NRXN1: variants seen among roughly 807,000 people sequenced by gnomAD.
NRXN1 encodes the protein neurexin 1, also known as neurexin-1.
NRXN1 carries 39 observed loss-of-function variants against 150.9 expected under a neutral mutation model. That is an observed-to-expected ratio of 0.26 (90% CI 0.20 to 0.34). The LOEUF (loss-of-function observed/expected upper bound fraction) is 0.34. NRXN1 is among the 10% of genes least tolerant of loss of function. The pLI is 1.00. For missense variants in NRXN1, 1,815 were observed against 1,949.9 expected, an observed-to-expected ratio of 0.93 and a Z score of 1.30; for synonymous variants, 924 against 757.0, an observed-to-expected ratio of 1.22 and a Z score of -3.62.
At chr2:50,787,079 G>T (rs147579106) in intron 5 of NRXN1, among the ~76,000 whole-genome samples, 1 of 152,168 alleles carries the variant, frequency 6.6e-6, no homozygotes, top group Non-Finnish European at 1.5e-5. Context: ...TAAGATGACA[G>T]GGAATTCTCA....
intron 5 of NRXN1, among the ~76,000 whole-genome samples, chr2:50,901,612 C>A (rs1234260353): frequency 1.4e-4 from 22 of 152,040 alleles, no homozygotes; most frequent in Admixed American, 1.4e-3. Flanking sequence ...CGTTCTGGTA[C>A]AAAGTTATAT....
chr2:50,095,693 G>T (rs1315713693), intron 18 of NRXN1, among the ~76,000 whole-genome samples: 6 of 151,184 alleles, frequency 4.0e-5, no homozygotes, highest in Non-Finnish European at 5.9e-5. Flanking sequence ...ATAGGATTTG[G>T]TTTTTTTGCA....
intron 5 of NRXN1, among the ~76,000 whole-genome samples, chr2:50,661,703 CTTCT>C (rs904553505): frequency 6.6e-6 from 1 of 152,024 alleles, no homozygotes; most frequent in Non-Finnish European, 1.5e-5. Flanking sequence ...TTTCCCCTTC[CTTCT>C]AAAATAACTT....
chr2:50,033,934 C>G (rs1689578749), intron 21 of NRXN1, among the ~76,000 whole-genome samples: 1 of 150,832 alleles, frequency 6.6e-6, no homozygotes, highest in African/African-American at 2.4e-5. Context: ...GAGATACCAT[C>G]TCACACCAGC....
intron 5 of NRXN1, among the ~76,000 whole-genome samples, chr2:50,654,270 C>A (rs1460831918): frequency 3.4e-5 from 4 of 117,784 alleles, no homozygotes; most frequent in African/African-American, 8.3e-5. Flanking sequence ...TGAGTGAGAA[C>A]ATGTGGTGTT....
chr2:50,164,720 C>T (rs2059568982), intron 18 of NRXN1, among the ~76,000 whole-genome samples: 1 of 152,198 alleles, frequency 6.6e-6, no homozygotes, highest in Admixed American at 6.5e-5. Context: ...CCCTAACACA[C>T]TTTCTAATCT....
intron 18 of NRXN1, among the ~76,000 whole-genome samples, chr2:50,161,918 A>G (rs2152787549): frequency 6.6e-6 from 1 of 152,280 alleles, no homozygotes; most frequent in Non-Finnish European, 1.5e-5. Context: ...TTTGCAAAAC[A>G]CTCTGCTAAT....
chr2:50,148,296 T>C (rs2058483623), intron 18 of NRXN1, among the ~76,000 whole-genome samples: 1 of 151,622 alleles, frequency 6.6e-6, no homozygotes, highest in African/African-American at 2.4e-5. Flanking sequence ...ACTTAACCTC[T>C]GTTTATGTCA....
chr2:50,139,324 C>CAAA (rs35142652), intron 18 of NRXN1, among the ~76,000 whole-genome samples: 13 of 77,346 alleles, frequency 1.7e-4, no homozygotes, highest in African/African-American at 2.3e-4. Flanking sequence ...GACTTGGTAT[C>CAAA]AAAAAAAAAA....
chr2:50,377,908 T>C (rs1321993893), intron 17 of NRXN1, among the ~76,000 whole-genome samples: 1 of 152,176 alleles, frequency 6.6e-6, no homozygotes, highest in Non-Finnish European at 1.5e-5. Context: ...CTATAAGCTA[T>C]AGTTGCTCCA....
At chr2:49,928,304 C>T (rs951260490) in intron 22 of NRXN1, among the ~76,000 whole-genome samples, 1 of 151,070 alleles carries the variant, frequency 6.6e-6, no homozygotes, top group African/African-American at 2.4e-5. Flanking sequence ...TGAATTTCTT[C>T]TCACTAAGAG....
At chr2:49,991,198 A>G (rs575246476) in intron 21 of NRXN1, among the ~76,000 whole-genome samples, 1 of 152,270 alleles carries the variant, frequency 6.6e-6, no homozygotes, top group African/African-American at 2.4e-5. Flanking sequence ...CCTTTCACCA[A>G]CTGTTTCAAC....
At chr2:50,531,781 C>G (rs936382598) in intron 10 of NRXN1, among the ~76,000 whole-genome samples, 1 of 152,092 alleles carries the variant, frequency 6.6e-6, no homozygotes, top group Non-Finnish European at 1.5e-5. Flanking sequence ...TGTACAGCCA[C>G]AGTGTGAGCC....
At position 51,008,610 on chromosome 2, in the gene NRXN1, G is replaced by A. The variant is rs79016091; in HGVS notation, c.772+18892C>T. Among the ~76,000 whole-genome samples, 1,224 of 151,692 alleles carry A rather than the reference G, an allele frequency of 8.1e-3. 33 individuals carry two copies. Among genetic ancestry groups the A allele is most frequent in the East Asian group, 0.046 (233 of 5,116 alleles). On this transcript the variant is annotated intron_variant, in intron 2 of 22. Transcript: ENST00000401669. Reference sequence around the variant, plus strand: ...TATCTATACAGGGCATCTTGAAAACGTATTTATTAATTGTATTTCTTATAA... The same window carrying A: ...TATCTATACAGGGCATCTTGAAAACATATTTATTAATTGTATTTCTTATAA...
Position 50,620,026 on chromosome 2 carries a change from T to C in NRXN1, c.1316A>G (p.Lys439Arg), listed in dbSNP as rs1231584401. Residue 439 changes from lysine (K) to arginine (R), a missense_variant, in exon 8 of 23, where the codon AAA (lysine) becomes AGA (arginine). Physicochemically the swap from Lys to Arg is conservative, Grantham distance 26. Coordinates refer to ENST00000401669, the MANE Select transcript of NRXN1 (RefSeq NM_001330078.2). ...PVSNNFMGCL[K>R]EVVYKNNDVR... is the part of the protein sequence containing the mutation. The stretch of plus-strand genomic sequence containing the variant: ...TCTGATGGCAACGATATTTACCTCT[T>C]TGAGACAGCCCATAAAGTTGTTACT... The C allele has an allele frequency of 6.3e-7, 1 of 1,597,928 alleles. No individual in the cohort carries two copies. The highest frequency in any genetic ancestry group is 1.1e-5 in the South Asian group (1 of 88,436).
chr2:50,652,108 T>G (rs1269936227), intron 5 of NRXN1, among the ~76,000 whole-genome samples: 1 of 151,960 alleles, frequency 6.6e-6, no homozygotes, highest in Non-Finnish European at 1.5e-5. Flanking sequence ...ATGTTTCCAT[T>G]TTACTTTTTC....
chr2:49,939,062 G>A (rs2104322013), intron 22 of NRXN1, among the ~76,000 whole-genome samples: 1 of 152,258 alleles, frequency 6.6e-6, no homozygotes, highest in East Asian at 1.9e-4. Flanking sequence ...TGGAAAATAT[G>A]TGCGTGTGTG....
chr2:50,219,355 T>TG lies in NRXN1; in HGVS notation c.3546+17433dup, dbSNP rs1553775135. On this transcript the variant is annotated intron_variant, in intron 18 of 22. Transcript: ENST00000401669. ...TCCAATACAAAACTGTGTTCTGTTT[T>TG]GGGGAAAAAAAAAAAAAGAGCTCTT... Among the ~76,000 whole-genome samples the TG allele has an allele frequency of 5.4e-4, 64 of 119,468 alleles. No homozygotes were observed. The East Asian group carries it at 0.01, about 20-fold the overall frequency. 78.4% of individuals were successfully genotyped at this position (119,468 alleles called of 152,430 possible).
chr2:50,554,240 A>G (rs1667912986), intron 8 of NRXN1, among the ~76,000 whole-genome samples: 1 of 152,284 alleles, frequency 6.6e-6, no homozygotes, highest in African/African-American at 2.4e-5. Flanking sequence ...TAATATATGT[A>G]ACAGGAAAAA....
Sources: gnomAD v4.1 joint callset for allele counts (sites outside exome capture counted in the v4.1 genomes callset) on GRCh38, gnomAD v4.1.1 for gene constraint, MANE v1.5 for transcripts, NCBI Gene and HGNC (gene_info 2026-07-23, HGNC 2026-07-21) for gene names.